SPG11: variants seen among roughly 807,000 people sequenced by gnomAD.
The protein encoded by SPG11 is SPG11 vesicle trafficking associated, spatacsin.
In SPG11, 222 loss-of-function variants were observed where a neutral mutation model predicts 274.0. The ratio of observed to expected loss-of-function variants is 0.81; its 90% CI spans 0.73 to 0.91. The LOEUF is 0.91. Among genes scored for constraint, SPG11 ranks in the 40% least tolerant of loss-of-function variants. The pLI, the probability that SPG11 is intolerant of heterozygous loss-of-function variation, is 0.00. For missense variants in SPG11, 3,114 were observed against 2,872.7 expected, an observed-to-expected ratio of 1.08 and a Z score of -1.92; for synonymous variants, 1,144 against 1,039.7, an observed-to-expected ratio of 1.10 and a Z score of -1.93.
intron 2 of SPG11, 61 bp downstream of exon 2, chr15:44,660,367 AGTAT>A (rs2085068301): frequency 1.4e-6 from 2 of 1,463,704 alleles, no homozygotes; most frequent in African/African-American, 1.4e-5. Context: ...CTTTTCCTGA[AGTAT>A]GTAACTACAT....
At chr15:44,639,702 A>C (rs1261840772) in intron 7 of SPG11, among the ~76,000 whole-genome samples, 1 of 148,956 alleles carries the variant, frequency 6.7e-6, no homozygotes, top group East Asian at 1.9e-4. Flanking sequence ...ACCTGGTCTC[A>C]AAAAAAAAAG....
intron 33 of SPG11, among the ~76,000 whole-genome samples, chr15:44,571,487 ATT>A (rs1040521119): frequency 7.0e-6 from 1 of 143,720 alleles, no homozygotes; most frequent in African/African-American, 2.6e-5. Flanking sequence ...TTTTATTTAA[ATT>A]TCTTTTCTTT....
At chr15:44,583,754 T>C in intron 30 of SPG11, 60 bp downstream of exon 30, 3 of 1,611,270 alleles carry the variant, frequency 1.9e-6, no homozygotes, top group South Asian at 2.2e-5. Flanking sequence ...CCCTTCCTTC[T>C]TGGAGACAGT....
chr15:44,620,432 ATAAT>A (rs764561891), intron 14 of SPG11, 29 bp from the exon 15 acceptor site: 3 of 1,466,886 alleles, frequency 2.0e-6, no homozygotes, highest in Non-Finnish European at 1.9e-6. Flanking sequence ...ATTTTAAAAT[ATAAT>A]TAATTATGTC....
intron 20 of SPG11, among the ~76,000 whole-genome samples, chr15:44,604,565 C>T (rs555541918): frequency 6.6e-6 from 1 of 152,214 alleles, no homozygotes; most frequent in Admixed American, 6.5e-5. Context: ...GTTCTTACAT[C>T]CCTGTTCAGT....
At position 44,573,866 on chromosome 15, in the gene SPG11, C is replaced by T. The variant is rs997759674; in HGVS notation, c.6007-121G>A. The T allele has an allele frequency of 5.8e-5, 52 of 900,434 alleles. No homozygotes were observed. In the African/African-American group the frequency reaches 7.8e-4, roughly 13 times the overall value. The allele number at this position is 900,434 out of a possible 1,614,324, so 55.8% of individuals were successfully genotyped here. On this transcript the variant is annotated intron_variant, in intron 31 of 39. Coordinates refer to ENST00000261866, the MANE Select transcript of SPG11 (RefSeq NM_025137.4). The stretch of plus-strand genomic sequence containing the variant: ...ATTCTGAGCTTACAGACTCCTCACC[C>T]TCAGCAGGAACCTTAGAAAAAGCAA...
intron 20 of SPG11, 135 bp from the exon 21 acceptor site, chr15:44,600,767 C>A: frequency 1.1e-6 from 1 of 920,740 alleles, no homozygotes; most frequent in Non-Finnish European, 1.7e-6. Context: ...TTGAATCTAC[C>A]AAAATCTGAT....
rs1020900055 is a variant in SPG11 at position 44,596,797 on chromosome 15, T to C, written c.4148A>G (p.Tyr1383Cys). ...TTAGTGGCTTACCTCTGCTGGGTGG[T>C]AGTTGTGGAGTTGGCTGTGAATAAT... is the stretch of plus-strand genomic sequence containing the variant. The part of the protein sequence containing the change: ...QFIIHSQLHN[Y>C]HPAEVKSLIQ... Residue 1383 changes from tyrosine to cysteine, a missense_variant, in exon 24 of 40, where the codon TAC becomes TGC. Transcript: ENST00000261866. 9 of 1,613,492 alleles carry C rather than the reference T, an allele frequency of 5.6e-6. No individual in the cohort carries two copies. The highest frequency in any genetic ancestry group is 2.7e-5 in the African/African-American group (2 of 74,760).
chr15:44,582,440 C>T (rs1403275482), intron 30 of SPG11, among the ~76,000 whole-genome samples: 3 of 152,042 alleles, frequency 2.0e-5, no homozygotes, highest in Non-Finnish European at 2.9e-5. Flanking sequence ...CCCAGCTATT[C>T]GGGAGGCTGA....
chr15:44,631,611 G>A (rs1378941800), intron 8 of SPG11, among the ~76,000 whole-genome samples: 1 of 148,920 alleles, frequency 6.7e-6, no homozygotes, highest in African/African-American at 2.5e-5. Context: ...GATGAAGAGA[G>A]ACAGAATAAT....
In SPG11 at chr15:44,585,546, G is replaced by A. The variant is rs558674228; in HGVS notation, c.5121+90C>T. ...GAACCCGAGAGGCGGAGCTTGCAGC[G>A]AGCGGAGATCGCGCCACTGCACTCC... On this transcript the variant is annotated intron_variant, in intron 29 of 39. Coordinates refer to ENST00000261866, the MANE Select transcript of SPG11 (RefSeq NM_025137.4). 59 of 1,050,746 alleles carry A rather than the reference G, an allele frequency of 5.6e-5. No homozygotes were observed. The East Asian group carries it at 6.8e-4, about 12-fold the overall frequency. 65.1% of individuals were successfully genotyped at this position (1,050,746 alleles called of 1,614,324 possible). A position where few individuals can be genotyped will look rare whatever the true frequency, so the allele number is the denominator to read the frequency against.
In SPG11 at chr15:44,600,499, C is replaced by A; in HGVS notation, c.3654G>T (p.Gln1218His). The change falls in exon 21 of 40, where the codon CAG becomes CAT. Residue 1218 changes from glutamine (Q) to histidine (H), a missense_variant. Transcript: ENST00000261866. ...PSFAFGTFLVQELIKSKTPKQ... is the reference protein window; with the variant it reads ...PSFAFGTFLVHELIKSKTPKQ... Reference sequence around the variant, plus strand: ...TGGGAGTCTTGCTCTTGATTAATTCCTGGACCAGAAAAGTACCAAATGCAA... The same window carrying A: ...TGGGAGTCTTGCTCTTGATTAATTCATGGACCAGAAAAGTACCAAATGCAA... The A allele has an allele frequency of 6.2e-7, 1 of 1,614,054 alleles. No homozygotes were observed. The highest frequency in any genetic ancestry group is 8.5e-7 in the Non-Finnish European group (1 of 1,180,006).
chr15:44,590,440 T>C (rs992607215), intron 27 of SPG11: 1 of 152,134 alleles, frequency 6.6e-6, no homozygotes, highest in Non-Finnish European at 1.5e-5. Flanking sequence ...CTGTTTTTTT[T>C]TCTTTCCTTT....
intron 17 of SPG11, among the ~76,000 whole-genome samples, chr15:44,611,823 T>TG (rs1160257307): frequency 6.8e-6 from 1 of 148,126 alleles, no homozygotes. Flanking sequence ...TTTTTTTTTT[T>TG]TTTTTGAGAT....
chr15:44,585,662 G>A lies in SPG11; in HGVS notation c.5095C>T (p.Pro1699Ser). ...ARRVAELAEL[P>S]VDNLVIKEIT... The stretch of plus-strand genomic sequence containing the variant: ...TCTTTAATAACCAAGTTGTCCACAG[G>A]TAACTCAGCTAATTCTGCTACCCTC... Residue 1699 changes from proline to serine, a missense_variant, in exon 29 of 40, where the codon CCT becomes TCT. Coordinates refer to ENST00000261866, the MANE Select transcript of SPG11 (RefSeq NM_025137.4). 1 of 1,610,504 alleles carries A rather than the reference G, an allele frequency of 6.2e-7. No homozygotes were observed. The highest frequency in any genetic ancestry group is 8.5e-7 in the Non-Finnish European group (1 of 1,178,128).
intron 35 of SPG11, among the ~76,000 whole-genome samples, chr15:44,568,591 A>AGTT (rs1433894008): frequency 1.3e-5 from 2 of 152,148 alleles, no homozygotes; most frequent in East Asian, 3.8e-4. Flanking sequence ...CAAGACTTAA[A>AGTT]CAAGTCAGGC....
In SPG11 at chr15:44,610,917, C is replaced by CAGGG. The variant is rs767798272; in HGVS notation, c.3213_3214insCCCT (p.Val1072ProfsTer32). 23 of 1,613,748 alleles carry CAGGG rather than the reference C, an allele frequency of 1.4e-5. No homozygotes were observed. Among genetic ancestry groups the CAGGG allele is most frequent in the Non-Finnish European group, 1.9e-5 (23 of 1,179,914 alleles). ...TGTCCTTCCAATAGCATACTGCTTACACTGGCCTGATTGGTGGGAATCAAA... is the reference window on the plus strand; with the variant it reads ...TGTCCTTCCAATAGCATACTGCTTACAGGGACTGGCCTGATTGGTGGGAATCAAA... On this transcript the variant is annotated frameshift_variant, in exon 18 of 40. Coordinates refer to ENST00000261866, the MANE Select transcript of SPG11 (RefSeq NM_025137.4). LOFTEE classifies it high-confidence loss of function.
Position 44,622,521 on chromosome 15 carries a change from AAC to A in SPG11, c.2317-176_2317-175del, listed in dbSNP as rs1377226748. On this transcript the variant is annotated intron_variant, in intron 12 of 39. Coordinates refer to ENST00000261866, the MANE Select transcript of SPG11 (RefSeq NM_025137.4). The stretch of plus-strand genomic sequence containing the variant: ...TTGAACATTTGAGTTAATGTATGTT[AAC>A]ACAAATTTTCTTTTGCCACAAATGT... The A allele has an allele frequency of 1.6e-5, 12 of 753,762 alleles. No individual in the cohort carries two copies. The African/African-American group carries it at 1.9e-4, about 12-fold the overall frequency. 46.7% of individuals were successfully genotyped at this position (753,762 alleles called of 1,614,324 possible).
intron 7 of SPG11, among the ~76,000 whole-genome samples, chr15:44,639,823 GGATT>G (rs1429309212): frequency 6.6e-6 from 1 of 151,208 alleles, no homozygotes; most frequent in Admixed American, 6.6e-5. Context: ...TAAATTATTA[GGATT>G]AATTTAACAA....
Sources: allele counts gnomAD v4.1 joint callset (sites outside exome capture counted in the v4.1 genomes callset), GRCh38; gene constraint gnomAD v4.1.1; transcripts MANE v1.5; gene names NCBI Gene and HGNC (gene_info 2026-07-23, HGNC 2026-07-21).